SLC4A4: variants seen among roughly 807,000 people sequenced by gnomAD.
SLC4A4 encodes solute carrier family 4 member 4.
A neutral mutation model predicts 111.5 loss-of-function variants in SLC4A4; 27 were observed. That is an observed-to-expected ratio of 0.24 (90% CI 0.18 to 0.33). The LOEUF is 0.33. Among genes scored for constraint, SLC4A4 ranks in the 10% least tolerant of loss-of-function variants. The pLI is 1.00. For missense variants in SLC4A4, 909 were observed against 1,315.5 expected (o/e 0.69, Z 4.78); for synonymous variants, 443 against 463.4 (o/e 0.96, Z 0.57).
At chr4:71,261,903 G>T (rs912652362) in intron 3 of SLC4A4, among the ~76,000 whole-genome samples, 1 of 152,122 alleles carries the variant, frequency 6.6e-6, no homozygotes, top group African/African-American at 2.4e-5. Flanking sequence ...CCACGTGCTG[G>T]GGTGCTCAGG....
chr4:71,164,702 T>A (rs537068615), intron 2 of SLC4A4, among the ~76,000 whole-genome samples: 1 of 151,894 alleles, frequency 6.6e-6, no homozygotes, highest in Admixed American at 6.6e-5. Context: ...AATTGACAAA[T>A]GGGATCTAAT....
At chr4:71,400,012 A>G (rs1398728121) in intron 7 of SLC4A4, among the ~76,000 whole-genome samples, 1 of 152,192 alleles carries the variant, frequency 6.6e-6, no homozygotes, top group African/African-American at 2.4e-5. Context: ...TTTATTTCGC[A>G]CATTTTGTCT....
chr4:71,421,268 T>A (rs1183402480), intron 7 of SLC4A4, among the ~76,000 whole-genome samples: 1 of 152,160 alleles, frequency 6.6e-6, no homozygotes, highest in Non-Finnish European at 1.5e-5. Context: ...AAGAGATTAA[T>A]TCAACAAGAA....
intron 3 of SLC4A4, among the ~76,000 whole-genome samples, chr4:71,277,381 T>C (rs1723147335): frequency 6.6e-6 from 1 of 152,200 alleles, no homozygotes; most frequent in Non-Finnish European, 1.5e-5. Flanking sequence ...CTTGCATCTA[T>C]TTCCCTAATG....
In SLC4A4 at chr4:71,345,831, A is replaced by C. The variant is rs569667524; in HGVS notation, c.390-4081A>C. Among the ~76,000 whole-genome samples the C allele has an allele frequency of 2.0e-5, 3 of 152,246 alleles. No homozygotes were observed. In the South Asian group the frequency reaches 6.2e-4, roughly 32 times the overall value. ...AAGGAATTTAATCATCTATGTAATC[A>C]TATATAGTTATGTCCATGTAGTTGT... On this transcript the variant is annotated intron_variant, in intron 4 of 25. Coordinates refer to ENST00000264485, the MANE Select transcript of SLC4A4 (RefSeq NM_001098484.3).
intron 3 of SLC4A4, among the ~76,000 whole-genome samples, chr4:71,258,418 T>C (rs1304011511): frequency 6.6e-6 from 1 of 152,244 alleles, no homozygotes; most frequent in Non-Finnish European, 1.5e-5. Flanking sequence ...CTTCAGAATA[T>C]ATGTTTTAAC....
intron 14 of SLC4A4, among the ~76,000 whole-genome samples, chr4:71,483,827 C>T (rs4323073): frequency 0.12 from 18,903 of 151,952 alleles, 1,647 homozygotes; most frequent in South Asian, 0.3. Flanking sequence ...ACAACCTCAC[C>T]AGCATCTGTT....
chr4:71,496,580 A>C (rs547773334), intron 15 of SLC4A4, among the ~76,000 whole-genome samples: 2 of 152,162 alleles, frequency 1.3e-5, no homozygotes, highest in South Asian at 2.1e-4. Flanking sequence ...TAAATGGCTA[A>C]TGGCAGTTCT....
intron 21 of SLC4A4, 91 bp from the exon 22 acceptor site, chr4:71,557,621 A>G: frequency 7.5e-7 from 1 of 1,336,336 alleles, no homozygotes; most frequent in South Asian, 1.2e-5. Context: ...GCTTGCCTAA[A>G]TTATAGAATA....
intron 1 of SLC4A4, chr4:71,236,073 C>T: frequency 1.0e-6 from 1 of 999,372 alleles, no homozygotes; most frequent in Non-Finnish European, 1.2e-6. Flanking sequence ...GTGCACTAGC[C>T]TACCTCCCTG....
intron 1 of SLC4A4, among the ~76,000 whole-genome samples, chr4:71,206,632 C>T (rs1305929881): frequency 4.6e-5 from 7 of 151,954 alleles, no homozygotes; most frequent in Non-Finnish European, 7.4e-5. Flanking sequence ...ATATATTAGA[C>T]TTGACAAATG....
At chr4:71,236,234 ATT>A (rs34835011) in intron 1 of SLC4A4, 2,530 of 948,630 alleles carry the variant, frequency 2.7e-3, no homozygotes, top group South Asian at 6.7e-3. Flanking sequence ...CTCTCTTGGT[ATT>A]TTTTTTTTTT....
At chr4:71,346,525 G>GTT (rs201899572) in intron 4 of SLC4A4, among the ~76,000 whole-genome samples, 65 of 142,582 alleles carry the variant, frequency 4.6e-4, no homozygotes, top group African/African-American at 1.6e-3. Flanking sequence ...TAAAAAGTCT[G>GTT]TTTTTTTTTT....
chr4:71,518,751 G>A (rs963597544), intron 16 of SLC4A4, among the ~76,000 whole-genome samples: 11 of 152,164 alleles, frequency 7.2e-5, no homozygotes, highest in Non-Finnish European at 1.5e-4. Flanking sequence ...GCCTGGCAGT[G>A]GGGTGGGCCC....
At chr4:71,193,758 C>A (rs2602079) in intron 1 of SLC4A4, among the ~76,000 whole-genome samples, 41,339 of 151,922 alleles carry the variant, frequency 0.27, 8,567 homozygotes, top group African/African-American at 0.55. Flanking sequence ...TTTTTTGCTC[C>A]TGAAGTTTTT....
intron 2 of SLC4A4, among the ~76,000 whole-genome samples, chr4:71,136,197 T>C (rs530901685): frequency 1.6e-4 from 24 of 152,222 alleles, no homozygotes; most frequent in Non-Finnish European, 3.1e-4. Flanking sequence ...TCAGGGCCTT[T>C]AGCTGGGTGC....
At chr4:71,476,370 A>G (rs1244120162) in intron 14 of SLC4A4, among the ~76,000 whole-genome samples, 1 of 151,748 alleles carries the variant, frequency 6.6e-6, no homozygotes, top group African/African-American at 2.4e-5. Flanking sequence ...GCCTTTCATC[A>G]CAACGTGCAC....
chr4:71,540,283 A>C (rs561594491), intron 18 of SLC4A4, among the ~76,000 whole-genome samples: 2 of 152,208 alleles, frequency 1.3e-5, no homozygotes, highest in African/African-American at 4.8e-5. Context: ...CTTTGTTATC[A>C]ACTATGTACC....
At chr4:71,473,104 T>A (rs755379450) in intron 14 of SLC4A4, 134 bp downstream of exon 14, 1 of 1,018,448 alleles carries the variant, frequency 9.8e-7, no homozygotes, top group Non-Finnish European at 1.5e-6. Context: ...AAAACTCTGC[T>A]ACTGAATTTG....
Sources: gnomAD v4.1 joint callset for allele counts (sites outside exome capture counted in the v4.1 genomes callset) on GRCh38, gnomAD v4.1.1 for gene constraint, MANE v1.5 for transcripts, NCBI Gene and HGNC (gene_info 2026-07-23, HGNC 2026-07-21) for gene names.